The following GDPD4 variants were observed in gnomAD, a reference collection of about 807,000 sequenced individuals.
GDPD4 encodes the protein glycerophosphodiester phosphodiesterase domain containing 4.
A neutral mutation model predicts 67.8 loss-of-function variants in GDPD4; 60 were observed. The observed-to-expected ratio is 0.88, with a 90% CI of 0.72 to 1.10. The LOEUF is 1.10. Among genes scored for constraint, GDPD4 ranks in the 50% least tolerant of loss-of-function variants. GDPD4 has a pLI of 0.00. For missense variants in GDPD4, 623 were observed against 613.9 expected, an observed-to-expected ratio of 1.01 and a Z score of -0.16; for synonymous variants, 212 against 210.9, an observed-to-expected ratio of 1.00 and a Z score of -0.04.
At chr11:77,269,828 T>G (rs1959198079) in intron 8 of GDPD4, 55 bp downstream of exon 8, 1 of 951,434 alleles carries the variant, frequency 1.1e-6, no homozygotes, top group East Asian at 2.4e-5. Flanking sequence ...TTTGTACATT[T>G]TCAAGTTACC....
intron 13 of GDPD4, among the ~76,000 whole-genome samples, chr11:77,234,785 G>T (rs771858815): frequency 1.3e-5 from 2 of 152,150 alleles, no homozygotes; most frequent in Admixed American, 6.5e-5. Flanking sequence ...CTCTGCTATT[G>T]TGAATAGTGC....
At chr11:77,243,437 G>T (rs1419970387) in intron 13 of GDPD4, among the ~76,000 whole-genome samples, 1 of 142,986 alleles carries the variant, frequency 7.0e-6, no homozygotes, top group Non-Finnish European at 1.5e-5. Context: ...GTACTGAATG[G>T]TGAAAGATTA....
chr11:77,218,229 A>G (rs1958162448), intron 16 of GDPD4, among the ~76,000 whole-genome samples: 1 of 151,922 alleles, frequency 6.6e-6, no homozygotes, highest in Non-Finnish European at 1.5e-5. Context: ...TTATTTGGGC[A>G]TTCTTTCTCT....
At chr11:77,281,360 T>C (rs1959745435) in intron 3 of GDPD4, among the ~76,000 whole-genome samples, 1 of 152,122 alleles carries the variant, frequency 6.6e-6, no homozygotes, top group Non-Finnish European at 1.5e-5. Flanking sequence ...ATACCATCGA[T>C]GGTGGAGGCC....
chr11:77,285,228 C>G, intron 2 of GDPD4, 41 bp from the exon 3 acceptor site: 1 of 999,632 alleles, frequency 1.0e-6, no homozygotes, highest in Non-Finnish European at 1.5e-6. Context: ...CTCCATTTAT[C>G]CTTGTTACCT....
chr11:77,258,364 G>A (rs1467613965), intron 11 of GDPD4, 22 bp downstream of exon 11: 2 of 1,611,608 alleles, frequency 1.2e-6, no homozygotes, highest in East Asian at 4.5e-5. Context: ...GCAGGTTTGT[G>A]GAACTTGGGA....
At chr11:77,267,391 G>A (rs1417800206) in intron 10 of GDPD4, among the ~76,000 whole-genome samples, 1 of 152,206 alleles carries the variant, frequency 6.6e-6, no homozygotes, top group Non-Finnish European at 1.5e-5. Context: ...GTAACTGCCA[G>A]ACTTACTTGG....
At chr11:77,295,684 G>A (rs1391060745) in intron 1 of GDPD4, among the ~76,000 whole-genome samples, 3 of 152,062 alleles carry the variant, frequency 2.0e-5, no homozygotes, top group Non-Finnish European at 4.4e-5. Context: ...AAACATAGAC[G>A]AAATCTGTGT....
chr11:77,245,814 G>A (rs758693371), intron 11 of GDPD4, among the ~76,000 whole-genome samples: 1 of 152,006 alleles, frequency 6.6e-6, no homozygotes, highest in Non-Finnish European at 1.5e-5. Flanking sequence ...TTTCAGTCAC[G>A]CTGGCTTCCT....
At chr11:77,246,915 A>G (rs559463138) in intron 11 of GDPD4, among the ~76,000 whole-genome samples, 28 of 152,316 alleles carry the variant, frequency 1.8e-4, no homozygotes, top group Non-Finnish European at 3.7e-4. Context: ...CATTTGAGTG[A>G]AGGCAGTGAT....
At chr11:77,235,009 GTTTTTTTTTTT>G (rs57989259) in intron 13 of GDPD4, among the ~76,000 whole-genome samples, 33 of 52,262 alleles carry the variant, frequency 6.3e-4, no homozygotes, top group South Asian at 3.9e-3. Flanking sequence ...GTCAATATCT[GTTTTTTTTTTT>G]TTTTTTTTTT....
At chr11:77,270,044 C>A in intron 7 of GDPD4, 84 bp from the exon 8 acceptor site, 1 of 665,946 alleles carries the variant, frequency 1.5e-6, no homozygotes, top group East Asian at 2.7e-5. Flanking sequence ...TAAAATTTAC[C>A]CTCCACACAC....
rs754745157 is a variant in GDPD4, at chr11:77,217,174, T to C, written c.*103A>G. 1.1e-6 allele frequency: 1 copy of C among 876,562 alleles called. No homozygotes were observed. The highest frequency in any genetic ancestry group is 1.7e-5 in the Admixed American group (1 of 58,480). The allele number at this position is 876,562 out of a possible 1,614,324, so 54.3% of individuals were successfully genotyped here. ...CTGCAAAATTGAAATGGCCTTGGTG[T>C]TCCTTTCCACTCTTGGGTAGAGCCG... is the stretch of plus-strand genomic sequence containing the variant. On this transcript the variant is annotated 3_prime_UTR_variant, in exon 17 of 17. Coordinates refer to ENST00000315938, the MANE Select transcript of GDPD4 (RefSeq NM_182833.3).
intron 16 of GDPD4, among the ~76,000 whole-genome samples, chr11:77,220,354 CTCT>C (rs1403397327): frequency 2.0e-5 from 3 of 148,234 alleles, no homozygotes; most frequent in Non-Finnish European, 4.5e-5. Flanking sequence ...TCATAAATAG[CTCT>C]TATTATTTTG....
intron 11 of GDPD4, among the ~76,000 whole-genome samples, chr11:77,248,220 T>TG (rs1670112740): frequency 6.6e-6 from 1 of 150,552 alleles, no homozygotes; most frequent in African/African-American, 2.4e-5. Flanking sequence ...TTTTTTTTTT[T>TG]GAGACGGAGT....
At position 77,245,404 on chromosome 11, in the gene GDPD4, T is replaced by C. The variant is rs1958761154; in HGVS notation, c.963A>G (p.Ala321=). ...ATATCACAAATTTTCTTTCCTTCTC[T>C]GCAAGTGTCAATAAATCAGCTAGTG... ...IPTLADLLTL[A]EKERKFVIFD... is the part of the protein sequence containing the mutation. Residue 321 remains alanine, a synonymous_variant, in exon 12 of 17, where the codon GCA becomes GCG. Transcript: ENST00000315938. The C allele has an allele frequency of 6.2e-7, 1 of 1,614,006 alleles. No individual in the cohort carries two copies. Among genetic ancestry groups the C allele is most frequent in the African/African-American group, 1.3e-5 (1 of 74,936 alleles).
At chr11:77,245,608 T>A (rs777161880) in intron 11 of GDPD4, 106 bp from the exon 12 acceptor site, 13 of 681,616 alleles carry the variant, frequency 1.9e-5, no homozygotes, top group Non-Finnish European at 2.5e-5. Flanking sequence ...ATTCAATCCA[T>A]CAGGCCCTCT....
chr11:77,255,724 G>A (rs924428501), intron 11 of GDPD4, among the ~76,000 whole-genome samples: 1 of 152,050 alleles, frequency 6.6e-6, no homozygotes, highest in African/African-American at 2.4e-5. Flanking sequence ...AGCTGGGCAT[G>A]GTGGCGCGTA....
At chr11:77,297,269 G>A (rs982171508) in intron 1 of GDPD4, among the ~76,000 whole-genome samples, 2 of 150,248 alleles carry the variant, frequency 1.3e-5, no homozygotes, top group African/African-American at 2.4e-5. Context: ...GCTCTGGGCC[G>A]GGCGCAGTGG....
Sources: gnomAD v4.1 joint callset for allele counts (sites outside exome capture counted in the v4.1 genomes callset) on GRCh38, gnomAD v4.1.1 for gene constraint, MANE v1.5 for transcripts, NCBI Gene and HGNC (gene_info 2026-07-23, HGNC 2026-07-21) for gene names.